The following RIMS2 variants were observed in gnomAD, a reference collection of about 807,000 sequenced individuals.
RIMS2 encodes regulating synaptic membrane exocytosis protein 2.
Under a neutral mutation model 174.4 loss-of-function variants are expected in RIMS2, and 59 were observed. That is an observed-to-expected ratio of 0.34 (90% CI 0.27 to 0.42). The LOEUF (loss-of-function observed/expected upper bound fraction) is 0.42, where lower values mean the gene tolerates loss of function less well. Among genes scored for constraint, RIMS2 ranks in the 10% least tolerant of loss-of-function variants. RIMS2 has a pLI of 1.00. For missense variants in RIMS2, 1,620 were observed against 1,666.3 expected (o/e 0.97, Z 0.48); for synonymous variants, 606 against 572.5 (o/e 1.06, Z -0.84).
chr8:104,163,755 G>A (rs2098779319), intron 19 of RIMS2, among the ~76,000 whole-genome samples: 1 of 152,090 alleles, frequency 6.6e-6, no homozygotes, highest in African/African-American at 2.4e-5. Context: ...TAAAAGGGTG[G>A]TTTTGGTTTT....
At chr8:103,963,732 T>C (rs544392981) in intron 15 of RIMS2, among the ~76,000 whole-genome samples, 7 of 152,202 alleles carry the variant, frequency 4.6e-5, no homozygotes, top group Non-Finnish European at 8.8e-5. Flanking sequence ...ATAGTTTACA[T>C]TGGGGCTCAC....
chr8:103,843,327 AT>A (rs1198007229), intron 3 of RIMS2, among the ~76,000 whole-genome samples: 1 of 152,046 alleles, frequency 6.6e-6, no homozygotes, highest in Non-Finnish European at 1.5e-5. Context: ...CCCTTGTTGG[AT>A]TTTGAACTCC....
intron 19 of RIMS2, among the ~76,000 whole-genome samples, chr8:104,146,665 G>T (rs1443173125): frequency 6.6e-6 from 1 of 152,044 alleles, no homozygotes; most frequent in Admixed American, 6.5e-5. Context: ...AGTAGATTAG[G>T]TGGTTCTTTA....
At chr8:103,629,412 G>A (rs545863117) in intron 1 of RIMS2, among the ~76,000 whole-genome samples, 4 of 152,270 alleles carry the variant, frequency 2.6e-5, no homozygotes, top group South Asian at 4.1e-4. Flanking sequence ...GATTGACTTC[G>A]GGATAACACA....
chr8:104,249,619 TC>T, intron 22 of RIMS2, 31 bp downstream of exon 28: 1 of 1,196,890 alleles, frequency 8.4e-7, no homozygotes, highest in Non-Finnish European at 1.2e-6. Context: ...TCTATTATTG[TC>T]CATAATCCAT....
intron 19 of RIMS2, among the ~76,000 whole-genome samples, chr8:104,099,038 C>T (rs748536996): frequency 3.3e-5 from 5 of 152,080 alleles, no homozygotes; most frequent in Non-Finnish European, 5.9e-5. Flanking sequence ...ATTCACGCAC[C>T]TTTCCATAGC....
chr8:103,575,472 AAAAGT>A (rs896431469), intron 1 of RIMS2, among the ~76,000 whole-genome samples: 12 of 152,084 alleles, frequency 7.9e-5, no homozygotes, highest in African/African-American at 2.2e-4. Context: ...TCACCAAAAG[AAAAGT>A]AAAGAATGTT....
chr8:103,953,336 A>G, intron 14 of RIMS2, among the ~76,000 whole-genome samples: 1 of 152,204 alleles, frequency 6.6e-6, no homozygotes, highest in African/African-American at 2.4e-5. Context: ...AAAAACTGTT[A>G]AGGGCAGCCA....
At chr8:103,899,655 C>G (rs1194417784) in intron 4 of RIMS2, among the ~76,000 whole-genome samples, 1 of 151,576 alleles carries the variant, frequency 6.6e-6, no homozygotes, top group Non-Finnish European at 1.5e-5. Context: ...AAAATTTTCT[C>G]CCATTCTGTA....
chr8:104,015,459 C>A, intron 19 of RIMS2: 1 of 705,072 alleles, frequency 1.4e-6, no homozygotes, highest in East Asian at 2.6e-5. Flanking sequence ...TTATGAAGGT[C>A]TGTACATAAA....
chr8:104,254,500 CAT>C (rs1318966473), downstream of RIMS2: 2 of 152,202 alleles, frequency 1.3e-5, no homozygotes, highest in African/African-American at 4.8e-5. Flanking sequence ...TCCCTGAACT[CAT>C]GTGTCATTTA....
At chr8:103,973,906 T>C (rs1213946295) in intron 15 of RIMS2, among the ~76,000 whole-genome samples, 3 of 152,254 alleles carry the variant, frequency 2.0e-5, no homozygotes, top group South Asian at 4.1e-4. Flanking sequence ...TGTCCCTCTC[T>C]CTCTGGAGAA....
At chr8:103,651,300 G>A (rs553709158) in intron 1 of RIMS2, among the ~76,000 whole-genome samples, 3 of 152,298 alleles carry the variant, frequency 2.0e-5, no homozygotes, top group African/African-American at 7.2e-5. Flanking sequence ...GTTTCAACGT[G>A]AGAACTCAGA....
intron 19 of RIMS2, among the ~76,000 whole-genome samples, chr8:104,224,274 G>C (rs1452635971): frequency 6.6e-6 from 1 of 152,204 alleles, no homozygotes; most frequent in Non-Finnish European, 1.5e-5. Context: ...CAGACAGTTA[G>C]AGGGTTGCTA....
intron 1 of RIMS2, 150 bp from the exon 4 acceptor site, chr8:103,696,936 G>T: frequency 1.4e-5 from 7 of 514,246 alleles, no homozygotes; most frequent in Admixed American, 3.2e-5. Flanking sequence ...CATGAAAAGT[G>T]TTAATTTATC....
chr8:104,224,231 A>G (rs2099171031), intron 19 of RIMS2, among the ~76,000 whole-genome samples: 1 of 152,216 alleles, frequency 6.6e-6, no homozygotes, highest in African/African-American at 2.4e-5. Context: ...TGAAAACCCA[A>G]GATCGGATGA....
chr8:103,522,921 G>T (rs1198407924), intron 1 of RIMS2, among the ~76,000 whole-genome samples: 1 of 152,116 alleles, frequency 6.6e-6, no homozygotes, highest in Non-Finnish European at 1.5e-5. Flanking sequence ...ATTAATGAAG[G>T]AGTTAAAGAC....
intron 3 of RIMS2, among the ~76,000 whole-genome samples, chr8:103,795,744 A>G (rs184563600): frequency 2.6e-5 from 4 of 152,266 alleles, no homozygotes; most frequent in Admixed American, 2.6e-4. Flanking sequence ...GACATTTGAG[A>G]TTGTAGAAAA....
chr8:104,124,966 GA>G (rs5893678), intron 19 of RIMS2, among the ~76,000 whole-genome samples: 38,239 of 151,890 alleles, frequency 0.25, 5,312 homozygotes, highest in East Asian at 0.62. Context: ...AGACAAAGCA[GA>G]AAAAAATAGA....
Sources: gnomAD v4.1 joint callset for allele counts (sites outside exome capture counted in the v4.1 genomes callset) on GRCh38, gnomAD v4.1.1 for gene constraint, MANE v1.5 for transcripts, NCBI Gene and HGNC (gene_info 2026-07-23, HGNC 2026-07-21) for gene names.